The following ACOX3 variants were observed in gnomAD, a reference collection of about 807,000 sequenced individuals.
ACOX3 encodes the protein peroxisomal acyl-coenzyme A oxidase 3.
In ACOX3, 73 loss-of-function variants were observed where a neutral mutation model predicts 81.5. The observed-to-expected ratio is 0.90, with a 90% CI of 0.74 to 1.09. The LOEUF (loss-of-function observed/expected upper bound fraction) is 1.09, where lower values mean the gene tolerates loss of function less well. ACOX3 is among the 50% of genes least tolerant of loss of function. ACOX3 has a pLI of 0.00. For missense variants in ACOX3, 947 were observed against 928.0 expected (o/e 1.02, Z -0.27); for synonymous variants, 387 against 375.1 (o/e 1.03, Z -0.37).
At chr4:8,369,570 G>A (rs546362708) in intron 17 of ACOX3, among the ~76,000 whole-genome samples, 3 of 152,264 alleles carry the variant, frequency 2.0e-5, no homozygotes, top group South Asian at 4.1e-4. Flanking sequence ...CTCCTACTAC[G>A]GGGAACTCTC....
Position 8,386,074 on chromosome 4 carries a change from T to C in ACOX3, c.1537+3099A>G, listed in dbSNP as rs1718258547. Among the ~76,000 whole-genome samples the C allele has an allele frequency of 6.6e-6, 1 of 152,180 alleles. No individual in the cohort carries two copies. Among genetic ancestry groups the C allele is most frequent in the South Asian group, 2.1e-4 (1 of 4,826 alleles). ...ATGATGGAGAGACTGTAAAATTGCT[T>C]TTGCTTTCAGTCTCAGGGGAAGGGG... is the stretch of plus-strand genomic sequence containing the variant. On this transcript the variant is annotated intron_variant, in intron 13 of 17. Transcript: ENST00000356406. The surrounding 1 kb of genome is among the most constrained non-coding windows in gnomAD (Gnocchi z 5.2).
chr4:8,429,072 C>T (rs776720343), intron 1 of ACOX3, among the ~76,000 whole-genome samples: 1 of 152,174 alleles, frequency 6.6e-6, no homozygotes, highest in Admixed American at 6.5e-5. Flanking sequence ...TCGTGCACTC[C>T]GAGATCAGCT....
Position 8,370,811 on chromosome 4 carries a change from G to T in ACOX3, c.1983+97C>A. 1 of 1,178,920 alleles carries T rather than the reference G, an allele frequency of 8.5e-7. No homozygotes were observed. The highest frequency in any genetic ancestry group is 1.2e-6 in the Non-Finnish European group (1 of 809,494). The allele number at this position is 1,178,920 out of a possible 1,614,324, so 73.0% of individuals were successfully genotyped here. A position where few individuals can be genotyped will look rare whatever the true frequency, so the allele number is the denominator to read the frequency against. Reference sequence around the variant, plus strand: ...CTCCTCCATGTGTGACCACTTTCCAGAAGACACCAGACCCCTGACCCACAG... The same window carrying T: ...CTCCTCCATGTGTGACCACTTTCCATAAGACACCAGACCCCTGACCCACAG... On this transcript the variant is annotated intron_variant, in intron 17 of 17. Transcript: ENST00000356406. This position sits in a 1 kb window ranked among gnomAD's most constrained non-coding sequence, Gnocchi z 6.3.
intron 7 of ACOX3, among the ~76,000 whole-genome samples, chr4:8,403,320 G>A (rs566934893): frequency 6.6e-5 from 10 of 152,324 alleles, no homozygotes; most frequent in South Asian, 2.1e-4. Flanking sequence ...TGGGAAACCC[G>A]GAGGGAACAC....
At chr4:8,372,552 AC>A (rs1383725222) in intron 16 of ACOX3, among the ~76,000 whole-genome samples, 1 of 151,664 alleles carries the variant, frequency 6.6e-6, no homozygotes, top group Non-Finnish European at 1.5e-5. Flanking sequence ...GCCAAGGAAA[AC>A]CCCTCCCTGT....
At chr4:8,361,442 A>C (rs1715233056), downstream of ACOX3, among the ~76,000 whole-genome samples, 1 of 149,942 alleles carries the variant, frequency 6.7e-6, no homozygotes, top group East Asian at 1.9e-4. Flanking sequence ...AAAAAAAAAA[A>C]AAAAAAAAAA....
At position 8,386,629 on chromosome 4, in the gene ACOX3, G is replaced by A. The variant is rs560432835; in HGVS notation, c.1537+2544C>T. Among the ~76,000 whole-genome samples the A allele has an allele frequency of 1.3e-5, 2 of 151,730 alleles. No individual in the cohort carries two copies. Among genetic ancestry groups the A allele is most frequent in the Non-Finnish European group, 2.9e-5 (2 of 67,966 alleles). On this transcript the variant is annotated intron_variant, in intron 13 of 17. Coordinates refer to ENST00000356406, the MANE Select transcript of ACOX3 (RefSeq NM_003501.3). The surrounding 1 kb of genome is among the most constrained non-coding windows in gnomAD (Gnocchi z 5.2). ...GAAATAGGTCATCAAACGTGTCCCC[G>A]TTTCCCACTGGCACCCAAAAAGGCA...
At chr4:8,365,061 T>C (rs1578836274), downstream of ACOX3, among the ~76,000 whole-genome samples, 3 of 152,286 alleles carry the variant, frequency 2.0e-5, no homozygotes, top group South Asian at 2.1e-4. Context: ...TGAGGCATCC[T>C]ATGAGGGGGA....
At position 8,370,258 on chromosome 4, in the gene ACOX3, G is replaced by A. The variant is rs1019528564; in HGVS notation, c.1983+650C>T. Among the ~76,000 whole-genome samples the A allele has an allele frequency of 5.9e-5, 9 of 152,270 alleles. 1 individual carries two copies. The South Asian group carries it at 6.2e-4, about 11-fold the overall frequency. On this transcript the variant is annotated intron_variant, in intron 17 of 17. Transcript: ENST00000356406. The surrounding 1 kb of genome is among the most constrained non-coding windows in gnomAD (Gnocchi z 6.3). ...TAGATCTGGTGGGCAGGAGGGGAGC[G>A]TGGGGTGAAGGGCCTTGGAAGGATT...
chr4:8,411,553 G>A (rs1343352627), intron 5 of ACOX3, among the ~76,000 whole-genome samples: 5 of 152,162 alleles, frequency 3.3e-5, no homozygotes, highest in South Asian at 4.1e-4. Context: ...TTCAGCACGC[G>A]GCAGTTCTGA....
intron 1 of ACOX3, among the ~76,000 whole-genome samples, chr4:8,425,403 A>C (rs991736729): frequency 6.6e-6 from 1 of 152,046 alleles, no homozygotes; most frequent in African/African-American, 2.4e-5. Flanking sequence ...CCACCGAAGA[A>C]GGAAAAATAC....
chr4:8,365,591 G>A (rs1466872058), downstream of ACOX3, among the ~76,000 whole-genome samples: 1 of 152,202 alleles, frequency 6.6e-6, no homozygotes, highest in African/African-American at 2.4e-5. Flanking sequence ...CTCTGCAGAT[G>A]CAGCAAACGG....
chr4:8,439,860 C>T (rs1037699626), intron 1 of ACOX3, among the ~76,000 whole-genome samples: 1 of 152,210 alleles, frequency 6.6e-6, no homozygotes, highest in Non-Finnish European at 1.5e-5. Context: ...ACCACTACTA[C>T]TCCTGCTGCC....
intron 17 of ACOX3, among the ~76,000 whole-genome samples, chr4:8,367,724 C>T (rs1715634066): frequency 7.2e-6 from 1 of 139,208 alleles, no homozygotes; most frequent in Non-Finnish European, 1.5e-5. Context: ...AATCCCTGCA[C>T]TCTGGGAGGC....
In ACOX3 at chr4:8,418,017, A is replaced by G. The variant is rs1450994809; in HGVS notation, c.-14-1482T>C. Among the ~76,000 whole-genome samples the G allele has an allele frequency of 3.9e-5, 6 of 152,368 alleles. No homozygotes were observed. In the East Asian group the frequency reaches 1.2e-3, roughly 29 times the overall value. On this transcript the variant is annotated intron_variant, in intron 1 of 17. Coordinates refer to ENST00000356406, the MANE Select transcript of ACOX3 (RefSeq NM_003501.3). ...AACTGAAAATCTGAACAGATCTATA[A>G]TGACTGAAGAGATTGAATTAGCAAT...
rs1722734770 is a variant in ACOX3 at position 8,419,761 on chromosome 4, G to A, written c.-14-3226C>T. Among the ~76,000 whole-genome samples the A allele has an allele frequency of 6.6e-6, 1 of 152,110 alleles. No individual in the cohort carries two copies. Among genetic ancestry groups the A allele is most frequent in the Admixed American group, 6.5e-5 (1 of 15,280 alleles). ...CTCATGTTCTGGAGATGCCCATACT[G>A]AGTGTTCAACACTGAATTCAGCCTC... On this transcript the variant is annotated intron_variant, in intron 1 of 17. Transcript: ENST00000356406. This position sits in a 1 kb window ranked among gnomAD's most constrained non-coding sequence, Gnocchi z 4.2.
chr4:8,409,772 G>A (rs537245002), intron 6 of ACOX3, among the ~76,000 whole-genome samples: 20 of 149,292 alleles, frequency 1.3e-4, no homozygotes, highest in African/African-American at 4.5e-4. Context: ...TCTGTGCACC[G>A]TGGGCAGGGC....
intron 1 of ACOX3, among the ~76,000 whole-genome samples, chr4:8,420,631 C>A (rs1330023877): frequency 1.3e-5 from 2 of 152,174 alleles, no homozygotes; most frequent in African/African-American, 4.8e-5. Flanking sequence ...CAGGCAACGC[C>A]CTTTGGGTAC....
At chr4:8,396,853 A>C in intron 9 of ACOX3, 84 bp downstream of exon 9, 5 of 1,509,608 alleles carry the variant, frequency 3.3e-6, no homozygotes, top group Non-Finnish European at 4.5e-6. Flanking sequence ...ATCAACTCCC[A>C]GTAACCAAAC....
Sources: allele counts gnomAD v4.1 joint callset (sites outside exome capture counted in the v4.1 genomes callset), GRCh38; gene constraint gnomAD v4.1.1; non-coding constraint Gnocchi (gnomAD v3.1); transcripts MANE v1.5; gene names NCBI Gene and HGNC (gene_info 2026-07-23, HGNC 2026-07-21).